Variants in N4BP2 observed in about 807,000 individuals in gnomAD.
N4BP2 encodes NEDD4-binding protein 2.
N4BP2 carries 91 observed loss-of-function variants against 152.8 expected under a neutral mutation model. That is an observed-to-expected ratio of 0.60 (90% CI 0.50 to 0.71). The LOEUF (loss-of-function observed/expected upper bound fraction) is 0.71. Among genes scored for constraint, N4BP2 ranks in the 30% least tolerant of loss-of-function variants. The probability of loss-of-function intolerance (pLI) is 0.00; values close to 1 mark genes in which losing one functional copy is unlikely to be tolerated. For missense variants in N4BP2, 1,923 were observed against 2,059.1 expected (o/e 0.93, Z 1.28); for synonymous variants, 646 against 705.3 (o/e 0.92, Z 1.33).
chr4:40,070,907 C>A (rs937628708), intron 1 of N4BP2, among the ~76,000 whole-genome samples: 3 of 151,702 alleles, frequency 2.0e-5, no homozygotes, highest in Non-Finnish European at 4.4e-5. Context: ...TCACTGCAAC[C>A]TCCTTCTCCT....
At chr4:40,118,802 AT>A (rs1717589994) in intron 8 of N4BP2, among the ~76,000 whole-genome samples, 1 of 152,224 alleles carries the variant, frequency 6.6e-6, no homozygotes, top group African/African-American at 2.4e-5. Context: ...CCTTCTGACA[AT>A]TTGCAATCCA....
At chr4:40,078,113 A>ATGTGTGTGTGTGTG (rs71194969) in intron 2 of N4BP2, 56 of 142,734 alleles carry the variant, frequency 3.9e-4, no homozygotes, top group African/African-American at 1.1e-3. Flanking sequence ...ATATTTCTAA[A>ATGTGTGTGTGTGTG]TGTGTGTGTG....
rs530113430 is a variant in N4BP2 at position 40,155,584 on chromosome 4, A to G, written c.*1347A>G. 19 of 152,288 alleles carry G rather than the reference A, an allele frequency of 1.2e-4. No homozygotes were observed. The highest frequency in any genetic ancestry group is 1.1e-3 in the Admixed American group (17 of 15,294). 9.4% of individuals were successfully genotyped at this position (152,288 alleles called of 1,614,324 possible). A position where few individuals can be genotyped will look rare whatever the true frequency, so the allele number is the denominator to read the frequency against. On this transcript the variant is annotated 3_prime_UTR_variant, in exon 18 of 18. Transcript: ENST00000261435. ...TATGCAAGTTAAACCTGTGTAAAGG[A>G]GGTTATAATGTGGTAAGGTATAATT...
rs761269517 is a variant in N4BP2 at position 40,142,664 on chromosome 4, A to G, written c.4786-9A>G. Reference sequence around the variant, plus strand: ...CTGTGTGTGTTACTTATTGTTTAATATCTTATAGCCAAAGAAATTAAAAGA... The same window carrying G: ...CTGTGTGTGTTACTTATTGTTTAATGTCTTATAGCCAAAGAAATTAAAAGA... On this transcript the variant is annotated splice_polypyrimidine_tract_variant and intron_variant, in intron 14 of 17. Coordinates refer to ENST00000261435, the MANE Select transcript of N4BP2 (RefSeq NM_018177.6). 5.2e-5 allele frequency: 83 copies of G among 1,585,742 alleles called. No individual in the cohort carries two copies. Among genetic ancestry groups the G allele is most frequent in the Non-Finnish European group, 6.9e-5 (80 of 1,167,332 alleles).
intron 2 of N4BP2, among the ~76,000 whole-genome samples, chr4:40,096,854 G>C (rs1715152212): frequency 6.6e-6 from 1 of 152,144 alleles, no homozygotes; most frequent in African/African-American, 2.4e-5. Flanking sequence ...GAAAGACTGG[G>C]AAAAGCAGGT....
the N4BP2 span, among the ~76,000 whole-genome samples, chr4:40,170,454 A>G: frequency 1.2e-4 from 18 of 151,844 alleles, no homozygotes; most frequent in African/African-American, 4.3e-4. Context: ...CCCTGTCTCT[A>G]CAAAAAATAC....
downstream of N4BP2, among the ~76,000 whole-genome samples, chr4:40,161,933 C>G (rs957873302): frequency 6.6e-6 from 1 of 152,154 alleles, no homozygotes; most frequent in Non-Finnish European, 1.5e-5. Context: ...AATCAGGAGG[C>G]CCCCATGGCA....
rs1309595999 is a variant in N4BP2, at chr4:40,064,851, C to G, written c.-212+7821C>G. ...GTGGTGTGATCTCGGCTCACTGCAA[C>G]CTCCGCCTCCCAGGTTCAAGCGATT... On this transcript the variant is annotated intron_variant, in intron 1 of 17. Transcript: ENST00000261435. Among the ~76,000 whole-genome samples the G allele has an allele frequency of 2.0e-5, 3 of 151,294 alleles. 1 individual carries two copies. The highest frequency in any genetic ancestry group is 2.0e-4 in the Admixed American group (3 of 15,158).
rs149775033 is a variant in N4BP2 at position 40,108,566 on chromosome 4, G to A, written c.1498+1542G>A. On this transcript the variant is annotated intron_variant, in intron 5 of 17. Coordinates refer to ENST00000261435, the MANE Select transcript of N4BP2 (RefSeq NM_018177.6). ...CCTGACCTTGTGATTCACCTGCCTC[G>A]GCCTCCCAAAGTGCTGGGATTACAG... is the stretch of plus-strand genomic sequence containing the variant. Among the ~76,000 whole-genome samples, 300 of 151,742 alleles carry A rather than the reference G, an allele frequency of 2.0e-3. 1 individual carries two copies. The highest frequency in any genetic ancestry group is 6.9e-3 in the African/African-American group (284 of 41,424).
chr4:40,165,063 A>G, the N4BP2 span, among the ~76,000 whole-genome samples: 3 of 152,218 alleles, frequency 2.0e-5, no homozygotes, highest in Admixed American at 2.0e-4. Context: ...AGTGGGTTAC[A>G]TAGGAATTTA....
intron 2 of N4BP2, among the ~76,000 whole-genome samples, chr4:40,077,546 C>T (rs935262168): frequency 9.2e-5 from 14 of 151,620 alleles, no homozygotes; most frequent in Admixed American, 3.3e-4. Context: ...CTCTGCCTCC[C>T]GGATTCAAGC....
At chr4:40,124,120 C>T (rs1166195878) in intron 10 of N4BP2, 40 bp from the exon 11 acceptor site, 3 of 1,551,396 alleles carry the variant, frequency 1.9e-6, no homozygotes, top group Non-Finnish European at 2.7e-6. Flanking sequence ...TACTAATGCA[C>T]TCCCTGTTTG....
At chr4:40,076,045 T>C (rs2109906726) in intron 2 of N4BP2, among the ~76,000 whole-genome samples, 1 of 152,126 alleles carries the variant, frequency 6.6e-6, no homozygotes, top group South Asian at 2.1e-4. Flanking sequence ...GGGCTTGTAT[T>C]GAACTCCTGC....
At chr4:40,117,520 G>C (rs914381676) in intron 7 of N4BP2, among the ~76,000 whole-genome samples, 3 of 152,156 alleles carry the variant, frequency 2.0e-5, no homozygotes, top group South Asian at 2.1e-4. Context: ...CGAGTTGAAG[G>C]CCTCAGAATT....
At chr4:40,182,381 C>G in the N4BP2 span, among the ~76,000 whole-genome samples, 1 of 152,122 alleles carries the variant, frequency 6.6e-6, no homozygotes, top group Non-Finnish European at 1.5e-5. Flanking sequence ...CAGTAGGGAG[C>G]CAAATAGATC....
At chr4:40,094,229 T>C (rs1714899013) in intron 2 of N4BP2, among the ~76,000 whole-genome samples, 2 of 152,250 alleles carry the variant, frequency 1.3e-5, no homozygotes, top group African/African-American at 4.8e-5. Flanking sequence ...TCAATTGTTT[T>C]AAATTTGTTG....
chr4:40,122,115 A>T lies in N4BP2; in HGVS notation c.4004A>T (p.Glu1335Val). 1 of 1,593,628 alleles carries T rather than the reference A, an allele frequency of 6.3e-7. No individual in the cohort carries two copies. Among genetic ancestry groups the T allele is most frequent in the Non-Finnish European group, 8.6e-7 (1 of 1,167,426 alleles). The change falls in exon 9 of 18, where the codon GAG (glutamate) becomes GTG (valine). Residue 1335 changes from glutamate (E) to valine (V), a missense_variant. Transcript: ENST00000261435. ...GAAGAAGAATTTATGAATGAAGATG[A>T]GAAGGAAATGAAGGAAATTCTAATG... ...SDEEEFMNED[E>V]KEMKEILMAG...
At chr4:40,160,611 A>G (rs907987222), downstream of N4BP2, among the ~76,000 whole-genome samples, 3 of 152,224 alleles carry the variant, frequency 2.0e-5, no homozygotes, top group Non-Finnish European at 4.4e-5. Flanking sequence ...CAGTGAGTTT[A>G]TTACATAAGT....
At chr4:40,151,413 A>G (rs1459315028) in intron 16 of N4BP2, among the ~76,000 whole-genome samples, 2 of 152,144 alleles carry the variant, frequency 1.3e-5, no homozygotes, top group Non-Finnish European at 2.9e-5. Flanking sequence ...CTGGGACTAC[A>G]GGTGCGCCTC....
Sources: allele counts gnomAD v4.1 joint callset (sites outside exome capture counted in the v4.1 genomes callset), GRCh38; gene constraint gnomAD v4.1.1; transcripts MANE v1.5; gene names NCBI Gene and HGNC (gene_info 2026-07-23, HGNC 2026-07-21).